Variants in OPHN1 observed in about 807,000 individuals in gnomAD.
The protein encoded by OPHN1 is oligophrenin-1.
A neutral mutation model predicts 60.7 loss-of-function variants in OPHN1; 11 were observed. That is an observed-to-expected ratio of 0.18 (90% CI 0.11 to 0.30). The LOEUF is 0.30. Among genes scored for constraint, OPHN1 ranks in the 10% least tolerant of loss-of-function variants. OPHN1 has a pLI of 1.00. For missense variants in OPHN1, 449 were observed against 611.0 expected, an observed-to-expected ratio of 0.73 and a Z score of 2.80; for synonymous variants, 226 against 222.6, an observed-to-expected ratio of 1.02 and a Z score of -0.14.
intron 3 of OPHN1, among the ~76,000 whole-genome samples, chrX:68,291,680 T>C (rs190653991): frequency 8.0e-4 from 88 of 110,221 alleles, no homozygotes; most frequent in Non-Finnish European, 2.5e-4. Flanking sequence ...TCCTTCTGTG[T>C]TCTGAAAAAT....
At chrX:68,266,537 A>AT in intron 5 of OPHN1, among the ~76,000 whole-genome samples, 1 of 111,595 alleles carries the variant, frequency 9.0e-6, no homozygotes, top group East Asian at 2.8e-4. Context: ...AGCACTAAAC[A>AT]TGGAAAGGAA....
At chrX:68,091,535 C>G (rs1019923240) in intron 19 of OPHN1, among the ~76,000 whole-genome samples, 1 of 111,190 alleles carries the variant, frequency 9.0e-6, no homozygotes, top group Non-Finnish European at 1.9e-5. Flanking sequence ...AAACCTGTTA[C>G]CACTACCATG....
chrX:68,201,564 C>A, intron 11 of OPHN1, 55 bp downstream of exon 11: 1 of 991,393 alleles, frequency 1.0e-6, no homozygotes, highest in Non-Finnish European at 1.4e-6. Context: ...AAGACCTACC[C>A]AGGCTAAGCA....
intron 2 of OPHN1, among the ~76,000 whole-genome samples, chrX:68,317,423 G>GGAGC (rs1555970521): frequency 4.3e-5 from 4 of 93,466 alleles, no homozygotes; most frequent in African/African-American, 1.6e-4. Context: ...AAGGAAGGAA[G>GGAGC]GAGCGAGGGG....
chrX:68,134,398 GATCTACAAATGTGTGGTGAGAAAT>G (rs1374196784), intron 15 of OPHN1, among the ~76,000 whole-genome samples: 1 of 111,422 alleles, frequency 9.0e-6, no homozygotes, highest in Non-Finnish European at 1.9e-5. Context: ...TGTGGTCCTA[GATCTACAAATGTGTGGTGAGAAAT>G]ATCTACAAAT....
chrX:68,390,463 G>A (rs1327091157), intron 2 of OPHN1, among the ~76,000 whole-genome samples: 1 of 110,968 alleles, frequency 9.0e-6, no homozygotes, highest in Non-Finnish European at 1.9e-5. Context: ...ACAGGGTGTG[G>A]TGGTGTGTGC....
chrX:68,368,194 T>TG (rs747294456), intron 2 of OPHN1, among the ~76,000 whole-genome samples: 5 of 110,487 alleles, frequency 4.5e-5, no homozygotes, highest in Admixed American at 2.0e-4. Flanking sequence ...AAAAAGCTGA[T>TG]GGGGGGCAGA....
chrX:68,140,374 CA>C (rs1224550709), intron 15 of OPHN1, among the ~76,000 whole-genome samples: 1 of 112,126 alleles, frequency 8.9e-6, no homozygotes, highest in Admixed American at 9.4e-5. Flanking sequence ...ATCAGAAAAG[CA>C]AAGACCATGT....
At chrX:68,261,835 C>A (rs2077895350) in intron 5 of OPHN1, among the ~76,000 whole-genome samples, 1 of 111,535 alleles carries the variant, frequency 9.0e-6, no homozygotes, top group Non-Finnish European at 1.9e-5. Flanking sequence ...TTGTCCACTT[C>A]TTTTTGCCAC....
chrX:68,415,934 G>A (rs745998006), intron 2 of OPHN1, among the ~76,000 whole-genome samples: 15 of 106,329 alleles, frequency 1.4e-4, no homozygotes, highest in African/African-American at 3.5e-4. Flanking sequence ...AGTATTGCTC[G>A]AACCCAGGAG....
chrX:68,053,948 A>ATTTTTTT, intron 21 of OPHN1, 138 bp from the exon 22 acceptor site: 4 of 463,797 alleles, frequency 8.6e-6, no homozygotes, highest in Non-Finnish European at 1.4e-5. Flanking sequence ...AACTCTGGCT[A>ATTTTTTT]TTTTTTTTTT....
At chrX:68,213,815 G>A (rs1167981126) in intron 7 of OPHN1, 47 bp downstream of exon 7, 8 of 728,875 alleles carry the variant, frequency 1.1e-5, no homozygotes, top group Non-Finnish European at 1.7e-5. Context: ...CATTTACCAG[G>A]CATTTGATAA....
chrX:68,366,204 A>G (rs1284758096), intron 2 of OPHN1, among the ~76,000 whole-genome samples: 1 of 111,082 alleles, frequency 9.0e-6, no homozygotes, highest in Non-Finnish European at 1.9e-5. Context: ...TGAGCAAGTC[A>G]CTTACCATCT....
intron 6 of OPHN1, among the ~76,000 whole-genome samples, chrX:68,223,095 T>C (rs2077671471): frequency 1.8e-5 from 2 of 111,771 alleles, no homozygotes; most frequent in African/African-American, 6.5e-5. Context: ...GGTAGGAATG[T>C]AAATTCATAC....
intron 5 of OPHN1, among the ~76,000 whole-genome samples, chrX:68,250,663 T>C (rs749571692): frequency 8.9e-6 from 1 of 112,112 alleles, no homozygotes; most frequent in Non-Finnish European, 1.9e-5. Context: ...TTTGCGTTTA[T>C]TTTAATCTGT....
intron 6 of OPHN1, among the ~76,000 whole-genome samples, chrX:68,224,350 T>C (rs1345235578): frequency 9.0e-6 from 1 of 111,586 alleles, no homozygotes; most frequent in Non-Finnish European, 1.9e-5. Context: ...AAATGAAACC[T>C]GAGTCAAAGA....
chrX:68,099,708 G>A (rs190730806), intron 18 of OPHN1, among the ~76,000 whole-genome samples: 1 of 112,415 alleles, frequency 8.9e-6, no homozygotes, highest in African/African-American at 3.2e-5. Flanking sequence ...TTGCTGCCAC[G>A]TGGGCATGCA....
intron 5 of OPHN1, among the ~76,000 whole-genome samples, chrX:68,273,606 C>T (rs1025509096): frequency 8.9e-6 from 1 of 111,947 alleles, no homozygotes; most frequent in South Asian, 3.7e-4. Context: ...GACTGCTGAG[C>T]ACTTGAAATG....
intron 5 of OPHN1, among the ~76,000 whole-genome samples, chrX:68,268,397 C>G (rs1371674640): frequency 8.9e-6 from 1 of 111,920 alleles, no homozygotes; most frequent in African/African-American, 3.2e-5. Flanking sequence ...CTATCATGAT[C>G]AAGTGGGCTT....
Sources: allele counts gnomAD v4.1 joint callset (sites outside exome capture counted in the v4.1 genomes callset), GRCh38; gene constraint gnomAD v4.1.1; transcripts MANE v1.5; gene names NCBI Gene and HGNC (gene_info 2026-07-23, HGNC 2026-07-21).